MED12L: variants seen among roughly 807,000 people sequenced by gnomAD.
MED12L encodes mediator complex subunit 12L.
In MED12L, 60 loss-of-function variants were observed where a neutral mutation model predicts 281.3. The observed-to-expected ratio is 0.21, with a 90% confidence interval of 0.17 to 0.26. The LOEUF is 0.26. MED12L is among the 10% of genes least tolerant of loss of function. The probability of loss-of-function intolerance (pLI) is 1.00; values close to 1 mark genes in which losing one functional copy is unlikely to be tolerated. For synonymous variants in MED12L, 974 were observed against 987.2 expected (o/e 0.99, Z 0.25); for missense variants, 2,146 against 2,680.9 (o/e 0.80, Z 4.41).
At chr3:151,141,017 G>A (rs571604167) in intron 5 of MED12L, among the ~76,000 whole-genome samples, 2 of 152,092 alleles carry the variant, frequency 1.3e-5, no homozygotes, top group Admixed American at 6.5e-5. Flanking sequence ...ACAGGCACCC[G>A]CCACGACGCC....
chr3:151,419,305 T>C (rs979686921), intron 43 of MED12L, among the ~76,000 whole-genome samples: 6 of 152,206 alleles, frequency 3.9e-5, no homozygotes, highest in Non-Finnish European at 8.8e-5. Flanking sequence ...ATAGGCTGTC[T>C]GCTGGCTGAG....
At chr3:151,241,102 G>A (rs549929948) in intron 16 of MED12L, among the ~76,000 whole-genome samples, 2 of 152,026 alleles carry the variant, frequency 1.3e-5, no homozygotes, top group Non-Finnish European at 2.9e-5. Context: ...GGAAGTGTTA[G>A]TTAGAAGTCT....
intron 16 of MED12L, among the ~76,000 whole-genome samples, chr3:151,343,491 T>G (rs906555630): frequency 6.6e-6 from 1 of 152,216 alleles, no homozygotes; most frequent in African/African-American, 2.4e-5. Context: ...GGAGGAAGAC[T>G]GCCAGTTAGA....
At chr3:151,199,071 C>G (rs755653141) in intron 16 of MED12L, 1 of 1,613,906 alleles carries the variant, frequency 6.2e-7, no homozygotes, top group East Asian at 2.2e-5. Flanking sequence ...CTGACAAATG[C>G]TAAGAAGATA....
At chr3:151,166,590 C>T (rs1720754258) in intron 11 of MED12L, among the ~76,000 whole-genome samples, 1 of 151,890 alleles carries the variant, frequency 6.6e-6, no homozygotes, top group Non-Finnish European at 1.5e-5. Flanking sequence ...TCAGGGCAGG[C>T]TGGAGACTCA....
In MED12L at chr3:151,160,004, C is replaced by A. The variant is rs1302519556; in HGVS notation, c.1010C>A (p.Pro337His). 6.2e-7 allele frequency: 1 copy of A among 1,614,166 alleles called. No individual in the cohort carries two copies. The highest frequency in any genetic ancestry group is 2.2e-5 in the East Asian group (1 of 44,888). Residue 337 changes from proline (P) to histidine (H), a missense_variant, in exon 8 of 45, where the codon CCC becomes CAC. By Grantham distance (77) the Pro-to-His change is moderately conservative. Coordinates refer to ENST00000687756, the MANE Select transcript of MED12L (RefSeq NM_001393769.1). ...ATCGGGGCCCCCAGCCCTGGCCCCCCCGGCCCTGGCATGAGCCCCGTGCAG... is the reference window on the plus strand; with the variant it reads ...ATCGGGGCCCCCAGCCCTGGCCCCCACGGCCCTGGCATGAGCCCCGTGCAG... ...SSIGAPSPGP[P>H]GPGMSPVQLA...
At chr3:151,425,630 TA>T (rs1460810085) in intron 43 of MED12L, 1 of 456,494 alleles carries the variant, frequency 2.2e-6, no homozygotes, top group South Asian at 1.5e-5. Context: ...GAGAAGTGGT[TA>T]TACCATGTTG....
rs1213491299 is a variant in MED12L, at chr3:151,338,800, G to C, written c.2251-11259G>C. The C allele has an allele frequency of 2.5e-6, 4 of 1,613,908 alleles. No individual in the cohort carries two copies. Among genetic ancestry groups the C allele is most frequent in the East Asian group, 4.5e-5 (2 of 44,870 alleles). ...GTGATTTTGTAGTCTCTGGTGCACA[G>C]ACTGGTGTTACCAGGCGCAGAGGTG... On this transcript the variant is annotated intron_variant, in intron 16 of 44. Coordinates refer to ENST00000687756, the MANE Select transcript of MED12L (RefSeq NM_001393769.1).
chr3:151,199,845 T>C (rs146367345), intron 16 of MED12L, among the ~76,000 whole-genome samples: 1,608 of 152,288 alleles, frequency 0.011, 16 homozygotes, highest in Non-Finnish European at 0.017. Flanking sequence ...TTTCTTGTTT[T>C]AGTTTTTTGT....
intron 16 of MED12L, among the ~76,000 whole-genome samples, chr3:151,319,333 C>T (rs1431048548): frequency 6.6e-6 from 1 of 152,056 alleles, no homozygotes; most frequent in Non-Finnish European, 1.5e-5. Flanking sequence ...CGGGAATCTT[C>T]ATAGCGATAA....
intron 16 of MED12L, among the ~76,000 whole-genome samples, chr3:151,230,024 C>T (rs1286621499): frequency 6.6e-6 from 1 of 152,030 alleles, no homozygotes; most frequent in Non-Finnish European, 1.5e-5. Context: ...GGCTGGAGTG[C>T]AGTGGTGCGA....
chr3:151,328,458 G>A (rs963633242), intron 16 of MED12L: 3 of 1,613,654 alleles, frequency 1.9e-6, no homozygotes, highest in Admixed American at 1.7e-5. Context: ...AGCCCCAGAG[G>A]CCCCTTTAAG....
At chr3:151,384,951 A>T in intron 35 of MED12L, 79 bp from the exon 36 acceptor site, 1 of 796,744 alleles carries the variant, frequency 1.3e-6, no homozygotes, top group Non-Finnish European at 2.2e-6. Context: ...TCATAGGGGA[A>T]CTTCCTTCTG....
At chr3:151,239,075 C>T (rs1288301969) in intron 16 of MED12L, among the ~76,000 whole-genome samples, 2 of 152,096 alleles carry the variant, frequency 1.3e-5, no homozygotes, top group African/African-American at 4.8e-5. Flanking sequence ...CGTAGCTTTC[C>T]GGTATTGACA....
intron 11 of MED12L, among the ~76,000 whole-genome samples, chr3:151,171,731 CAG>C (rs1209404998): frequency 4.6e-5 from 7 of 152,352 alleles, no homozygotes; most frequent in African/African-American, 1.4e-4. Flanking sequence ...ACCTGTGGCA[CAG>C]AGTGTCCCAG....
At position 151,164,024 on chromosome 3, in the gene MED12L, C is replaced by T; in HGVS notation, c.1239C>T (p.Asn413=). ...APSSLPMPGG[N]TAFNQQVRAR... The stretch of plus-strand genomic sequence containing the variant: ...CCAGCCTCCCCATGCCGGGTGGGAA[C>T]ACGGCTTTCAATCAGCAGGTAGACT... Residue 413 remains asparagine, a synonymous_variant, in exon 9 of 45, where the codon AAC becomes AAT. Transcript: ENST00000687756. 6.2e-7 allele frequency: 1 copy of T among 1,613,392 alleles called. No homozygotes were observed. The highest frequency in any genetic ancestry group is 8.5e-7 in the Non-Finnish European group (1 of 1,179,620).
intron 16 of MED12L, chr3:151,336,426 T>C: frequency 4.5e-6 from 2 of 443,046 alleles, no homozygotes; most frequent in East Asian, 1.4e-4. Flanking sequence ...GTAGAGGGTT[T>C]CAATAAAAGT....
At chr3:151,262,372 A>C (rs796498795) in intron 16 of MED12L, among the ~76,000 whole-genome samples, 5 of 152,316 alleles carry the variant, frequency 3.3e-5, no homozygotes, top group African/African-American at 1.2e-4. Context: ...TGTGGGAAGA[A>C]TTTGCACACT....
chr3:151,377,643 TA>T (rs1236293145), intron 30 of MED12L, among the ~76,000 whole-genome samples: 2 of 152,214 alleles, frequency 1.3e-5, no homozygotes, highest in African/African-American at 4.8e-5. Context: ...TTTTAAACCT[TA>T]AAAATTAGCT....
Sources: allele counts gnomAD v4.1 joint callset (sites outside exome capture counted in the v4.1 genomes callset), GRCh38; gene constraint gnomAD v4.1.1; transcripts MANE v1.5; gene names NCBI Gene and HGNC (gene_info 2026-07-23, HGNC 2026-07-21).